The following GAP43 variants were observed in gnomAD, a reference collection of about 807,000 sequenced individuals.
The protein encoded by GAP43 is growth associated protein 43.
GAP43 carries 6 observed loss-of-function variants against 18.6 expected under a neutral mutation model. The ratio of observed to expected loss-of-function variants is 0.32; its 90% CI spans 0.18 to 0.64. The LOEUF (loss-of-function observed/expected upper bound fraction) is 0.64, where lower values mean the gene tolerates loss of function less well. GAP43 is among the 30% of genes least tolerant of loss of function. The pLI is 0.78. For missense variants in GAP43, 292 were observed against 295.5 expected, an observed-to-expected ratio of 0.99 and a Z score of 0.09; for synonymous variants, 115 against 111.4, an observed-to-expected ratio of 1.03 and a Z score of -0.20.
At position 115,720,953 on chromosome 3, in the gene GAP43, A is replaced by C; in HGVS notation, c.*71A>C. 9.7e-7 allele frequency: 1 copy of C among 1,031,514 alleles called. No individual in the cohort carries two copies. The highest frequency in any genetic ancestry group is 1.5e-6 in the Non-Finnish European group (1 of 674,344). The allele number at this position is 1,031,514 out of a possible 1,614,324, so 63.9% of individuals were successfully genotyped here. A position where few individuals can be genotyped will look rare whatever the true frequency, so the allele number is the denominator to read the frequency against. ...GCCTGTCTCTCCCTACCCTCTTCTC[A>C]GCTCCACTCTGAAGTCCCTTCCTGT... On this transcript the variant is annotated 3_prime_UTR_variant, in exon 3 of 3. Coordinates refer to ENST00000305124, the MANE Select transcript of GAP43 (RefSeq NM_002045.4).
rs113994833 is a variant in GAP43 at position 115,675,412 on chromosome 3, G to T, written c.31-601G>T. ...TTGTCAAAGTACTTCTAAAAAAAAG[G>T]CTGGTTTAAGTTTGACATGGAGCAA... On this transcript the variant is annotated intron_variant, in intron 1 of 2. Coordinates refer to ENST00000305124, the MANE Select transcript of GAP43 (RefSeq NM_002045.4). Among the ~76,000 whole-genome samples the T allele has an allele frequency of 7.3e-3, 1,108 of 152,204 alleles. 14 individuals are homozygous for T. Among genetic ancestry groups the T allele is most frequent in the African/African-American group, 0.025 (1,033 of 41,522 alleles).
At chr3:115,688,406 T>C (rs283377) in intron 2 of GAP43, among the ~76,000 whole-genome samples, 30,506 of 152,176 alleles carry the variant, frequency 0.2, 3,911 homozygotes, top group African/African-American at 0.36. Context: ...TATACTCCAG[T>C]GTCAACATAA....
intron 1 of GAP43, among the ~76,000 whole-genome samples, chr3:115,646,841 T>C (rs1039063740): frequency 6.6e-6 from 1 of 151,974 alleles, no homozygotes; most frequent in Non-Finnish European, 1.5e-5. Context: ...AACCCTCTTC[T>C]CACTTCACTT....
chr3:115,665,233 A>G (rs1708718212), intron 1 of GAP43, among the ~76,000 whole-genome samples: 1 of 152,188 alleles, frequency 6.6e-6, no homozygotes, highest in Non-Finnish European at 1.5e-5. Context: ...TGCCTCCTAC[A>G]CAGAGATTCT....
chr3:115,662,420 CGG>C (rs996099926), intron 1 of GAP43, among the ~76,000 whole-genome samples: 9 of 152,000 alleles, frequency 5.9e-5, no homozygotes, highest in Non-Finnish European at 1.0e-4. Context: ...TTCAGCTTAC[CGG>C]GTTTTGATAT....
At chr3:115,659,905 TC>T (rs1046971744) in intron 1 of GAP43, among the ~76,000 whole-genome samples, 107 of 152,144 alleles carry the variant, frequency 7.0e-4, no homozygotes, top group African/African-American at 2.4e-3. Flanking sequence ...AGCAGCCCCC[TC>T]CCCCGCAACT....
At chr3:115,655,417 A>G (rs1285365901) in intron 1 of GAP43, among the ~76,000 whole-genome samples, 1 of 152,240 alleles carries the variant, frequency 6.6e-6, no homozygotes, top group East Asian at 1.9e-4. Context: ...GGTAATCAGT[A>G]TTATCCCTAA....
chr3:115,672,202 C>T (rs1479293294), intron 1 of GAP43, among the ~76,000 whole-genome samples: 1 of 152,168 alleles, frequency 6.6e-6, no homozygotes, highest in Non-Finnish European at 1.5e-5. Context: ...CTCCCTCACT[C>T]GCTGTATGAA....
intron 2 of GAP43, among the ~76,000 whole-genome samples, chr3:115,684,174 G>C (rs527906823): frequency 6.6e-6 from 1 of 152,170 alleles, no homozygotes; most frequent in East Asian, 1.9e-4. Context: ...ATTCTATCCT[G>C]GTGGCACATA....
intron 2 of GAP43, 47 bp from the exon 3 acceptor site, chr3:115,720,747 A>G (rs1370613309): frequency 1.5e-6 from 2 of 1,312,504 alleles, no homozygotes; most frequent in East Asian, 4.6e-5. Context: ...AAGACAAAAT[A>G]CTAATTCTCT....
At chr3:115,649,530 T>A (rs1289150654) in intron 1 of GAP43, among the ~76,000 whole-genome samples, 2 of 151,892 alleles carry the variant, frequency 1.3e-5, no homozygotes, top group Admixed American at 6.6e-5. Flanking sequence ...AAGAAATCAA[T>A]GTGACAGTAA....
chr3:115,651,394 T>G (rs1708517430), intron 1 of GAP43, among the ~76,000 whole-genome samples: 1 of 152,192 alleles, frequency 6.6e-6, no homozygotes, highest in South Asian at 2.1e-4. Flanking sequence ...AAGTATATCA[T>G]TTGTTTTTAA....
At chr3:115,657,318 G>A (rs921041453) in intron 1 of GAP43, among the ~76,000 whole-genome samples, 1 of 152,208 alleles carries the variant, frequency 6.6e-6, no homozygotes, top group Non-Finnish European at 1.5e-5. Flanking sequence ...TCACCCCCAG[G>A]ACGAAGAAAG....
chr3:115,629,158 C>T (rs1187680087), intron 1 of GAP43, among the ~76,000 whole-genome samples: 1 of 152,032 alleles, frequency 6.6e-6, no homozygotes, highest in Non-Finnish European at 1.5e-5. Context: ...GCTTTTCTAC[C>T]CTGTTTATAT....
At chr3:115,720,755 T>C (rs1423097920) in intron 2 of GAP43, 39 bp from the exon 3 acceptor site, 2 of 1,398,020 alleles carry the variant, frequency 1.4e-6, no homozygotes, top group Non-Finnish European at 2.0e-6. Context: ...ATACTAATTC[T>C]CTCCTTTTCC....
chr3:115,696,583 C>A (rs904193578), intron 2 of GAP43, among the ~76,000 whole-genome samples: 12 of 125,166 alleles, frequency 9.6e-5, no homozygotes, highest in African/African-American at 3.4e-4. Flanking sequence ...CCACCGCCCC[C>A]CCCCCCCACA....
chr3:115,676,629 C>G lies in GAP43; in HGVS notation c.628+19C>G. 6.5e-7 allele frequency: 1 copy of G among 1,547,024 alleles called. No homozygotes were observed. The highest frequency in any genetic ancestry group is 8.7e-7 in the Non-Finnish European group (1 of 1,151,230). On this transcript the variant is annotated intron_variant, in intron 2 of 2. Coordinates refer to ENST00000305124, the MANE Select transcript of GAP43 (RefSeq NM_002045.4). ...AACATAGGTGAGCAACCGCGAGGGT[C>G]AGATGCAATGGGTGGATGGGGAAGG...
chr3:115,675,986 C>A, intron 1 of GAP43, 27 bp from the exon 2 acceptor site: 3 of 1,571,528 alleles, frequency 1.9e-6, no homozygotes, highest in Non-Finnish European at 2.6e-6. Flanking sequence ...TTGAAGCCCT[C>A]TCTTTTCCCT....
chr3:115,701,376 G>A (rs1003435190), intron 2 of GAP43, among the ~76,000 whole-genome samples: 4 of 151,926 alleles, frequency 2.6e-5, no homozygotes, highest in Non-Finnish European at 5.9e-5. Context: ...CAGTATCATT[G>A]TTATTCCGGG....
Sources: gnomAD v4.1 joint callset for allele counts (sites outside exome capture counted in the v4.1 genomes callset) on GRCh38, gnomAD v4.1.1 for gene constraint, MANE v1.5 for transcripts, NCBI Gene and HGNC (gene_info 2026-07-23, HGNC 2026-07-21) for gene names.